Variants in ANO2 observed in about 807,000 individuals in gnomAD.
The protein encoded by ANO2 is anoctamin 2.
ANO2 carries 101 observed loss-of-function variants against 124.2 expected under a neutral mutation model. The ratio of observed to expected loss-of-function variants is 0.81; its 90% CI spans 0.69 to 0.96. The LOEUF (loss-of-function observed/expected upper bound fraction) is 0.96. Ranked by LOEUF, ANO2 falls within the 40% of genes least tolerant of loss-of-function variation. The pLI, the probability that ANO2 is intolerant of heterozygous loss-of-function variation, is 0.00. For missense variants in ANO2, 1,293 were observed against 1,274.5 expected (o/e 1.01, Z -0.22); for synonymous variants, 486 against 482.5 (o/e 1.01, Z -0.09).
At chr12:5,739,874 C>G (rs1348615424) in intron 12 of ANO2, 1 of 456,294 alleles carries the variant, frequency 2.2e-6, no homozygotes, top group South Asian at 1.5e-5. Context: ...TCATCTCATT[C>G]TGAGGTTACA....
At chr12:5,840,152 G>C (rs933248801) in intron 4 of ANO2, among the ~76,000 whole-genome samples, 13 of 152,132 alleles carry the variant, frequency 8.5e-5, no homozygotes, top group Admixed American at 8.5e-4. Context: ...ACACATGTTA[G>C]CCAGCTGTTC....
In ANO2 at chr12:5,852,567, T is replaced by C. The variant is rs1393239171; in HGVS notation, c.633+1476A>G. ...ATTCATGATGGTATCAGTCATGTGC[T>C]GGTATTTGATGAGTGATTTTTGATG... On this transcript the variant is annotated intron_variant, in intron 4 of 24. Transcript: ENST00000682330. 2.6e-5 allele frequency among the ~76,000 whole-genome samples: 4 copies of C among 152,260 alleles called. No homozygotes were observed. The East Asian group carries it at 7.7e-4, about 29-fold the overall frequency.
intron 3 of ANO2, among the ~76,000 whole-genome samples, chr12:5,861,264 C>A (rs1955258160): frequency 6.6e-6 from 1 of 152,162 alleles, no homozygotes; most frequent in Non-Finnish European, 1.5e-5. Context: ...TGCCAACCAT[C>A]CACGGCAATC....
In ANO2 at chr12:5,925,365, G is replaced by A. The variant is rs143480939; in HGVS notation, c.23-2561C>T. On this transcript the variant is annotated intron_variant, in intron 1 of 24. Transcript: ENST00000682330. The surrounding 1 kb of genome is among the most constrained non-coding windows in gnomAD (Gnocchi z 4.6). The stretch of plus-strand genomic sequence containing the variant: ...GCCATCGCAGTTGCTCCCCCGGCTC[G>A]CTCTCTGACACACGGATCCGGCTGC... Among the ~76,000 whole-genome samples the A allele has an allele frequency of 6.6e-3, 1,012 of 152,236 alleles. 4 individuals are homozygous for A. The highest frequency in any genetic ancestry group is 0.023 in the African/African-American group (944 of 41,538).
At chr12:5,835,154 G>A (rs187641090) in intron 4 of ANO2, among the ~76,000 whole-genome samples, 45 of 152,292 alleles carry the variant, frequency 3.0e-4, no homozygotes, top group Admixed American at 5.2e-4. Flanking sequence ...ACAGATACAG[G>A]AAAAGATATT....
chr12:5,581,971 A>G (rs908223444), intron 20 of ANO2, among the ~76,000 whole-genome samples: 4 of 152,386 alleles, frequency 2.6e-5, no homozygotes, highest in South Asian at 2.1e-4. Flanking sequence ...ACATAAAACC[A>G]TAACTCTCTA....
intron 13 of ANO2, among the ~76,000 whole-genome samples, chr12:5,736,294 C>G (rs751030385): frequency 6.6e-6 from 1 of 152,130 alleles, no homozygotes; most frequent in Non-Finnish European, 1.5e-5. Context: ...ACTGCTTGTT[C>G]TACCCCTCCT....
At chr12:5,785,079 GA>G (rs1396587691) in intron 10 of ANO2, among the ~76,000 whole-genome samples, 1 of 152,094 alleles carries the variant, frequency 6.6e-6, no homozygotes, top group Non-Finnish European at 1.5e-5. Context: ...CCCTACCCTG[GA>G]CCTATAAATA....
chr12:5,889,235 A>G (rs894915531), intron 3 of ANO2, among the ~76,000 whole-genome samples: 3 of 151,954 alleles, frequency 2.0e-5, no homozygotes, highest in Middle Eastern at 3.2e-3. Context: ...CTCTCCCTCT[A>G]CACCTCCCTG....
intron 14 of ANO2, among the ~76,000 whole-genome samples, chr12:5,653,916 T>C (rs1008015354): frequency 6.6e-6 from 1 of 152,146 alleles, no homozygotes; most frequent in African/African-American, 2.4e-5. Context: ...GAAAGCACCA[T>C]ATGCAAAAGC....
chr12:5,611,752 G>A (rs1270908221), intron 19 of ANO2, among the ~76,000 whole-genome samples: 2 of 152,194 alleles, frequency 1.3e-5, no homozygotes, highest in Non-Finnish European at 2.9e-5. Flanking sequence ...GTATCTCTAA[G>A]AGGATGAAAA....
At chr12:5,570,640 CTG>C (rs1378180562) in intron 23 of ANO2, among the ~76,000 whole-genome samples, 1 of 152,158 alleles carries the variant, frequency 6.6e-6, no homozygotes, top group Non-Finnish European at 1.5e-5. Context: ...CACAAAATCA[CTG>C]TGGGCAGGGA....
At chr12:5,774,961 T>C (rs1952184184) in intron 10 of ANO2, among the ~76,000 whole-genome samples, 1 of 152,188 alleles carries the variant, frequency 6.6e-6, no homozygotes, top group African/African-American at 2.4e-5. Context: ...AAAAAGAACA[T>C]TTATTGAGCA....
intron 15 of ANO2, among the ~76,000 whole-genome samples, chr12:5,646,626 C>G (rs1389457869): frequency 6.6e-6 from 1 of 152,126 alleles, no homozygotes; most frequent in Admixed American, 6.5e-5. Context: ...CTTTGAAGTG[C>G]TAAATTAAAC....
rs1174842897 is a variant in ANO2 at position 5,891,498 on chromosome 12, G to A, written c.534+29542C>T. Among the ~76,000 whole-genome samples the A allele has an allele frequency of 2.0e-5, 3 of 152,094 alleles. No individual in the cohort carries two copies. The East Asian group carries it at 5.8e-4, about 29-fold the overall frequency. ...TTTCTGGCTGAAGGATGGCAAAGAG[G>A]GTCTCAGGGGACAGGAAGGTTCTGC... On this transcript the variant is annotated intron_variant, in intron 3 of 24. Coordinates refer to ENST00000682330, the MANE Select transcript of ANO2 (RefSeq NM_001364791.2).
At chr12:5,672,589 G>GTA (rs778054366) in intron 14 of ANO2, among the ~76,000 whole-genome samples, 1 of 151,382 alleles carries the variant, frequency 6.6e-6, no homozygotes, top group African/African-American at 2.4e-5. Flanking sequence ...TCGTGTGTGT[G>GTA]TGTGTGTGTG....
intron 3 of ANO2, among the ~76,000 whole-genome samples, chr12:5,878,208 C>T (rs545649845): frequency 4.6e-5 from 7 of 152,250 alleles, no homozygotes; most frequent in Admixed American, 3.9e-4. Context: ...CCAGATTGTG[C>T]GTGATGTATT....
At chr12:5,840,253 C>T (rs777220611) in intron 4 of ANO2, among the ~76,000 whole-genome samples, 1 of 152,004 alleles carries the variant, frequency 6.6e-6, no homozygotes, top group East Asian at 1.9e-4. Flanking sequence ...ATTTTTTATT[C>T]CAGGGCTCAA....
chr12:5,646,910 G>A (rs1036400232), intron 15 of ANO2, among the ~76,000 whole-genome samples: 1 of 147,372 alleles, frequency 6.8e-6, no homozygotes, highest in Non-Finnish European at 1.5e-5. Context: ...CCTCAGGCCA[G>A]AGTCAGAGTT....
Sources: allele counts gnomAD v4.1 joint callset (sites outside exome capture counted in the v4.1 genomes callset), GRCh38; gene constraint gnomAD v4.1.1; non-coding constraint Gnocchi (gnomAD v3.1); transcripts MANE v1.5; gene names NCBI Gene and HGNC (gene_info 2026-07-23, HGNC 2026-07-21).